STRN3: variants seen among roughly 807,000 people sequenced by gnomAD.
STRN3 encodes striatin 3, also known as striatin-3.
STRN3 carries 29 observed loss-of-function variants against 95.6 expected under a neutral mutation model. That is an observed-to-expected ratio of 0.30 (90% confidence interval 0.23 to 0.41). The LOEUF (loss-of-function observed/expected upper bound fraction) is 0.41. Ranked by LOEUF, STRN3 falls within the 10% of genes least tolerant of loss-of-function variation. The pLI is 1.00. For missense variants in STRN3, 890 were observed against 972.1 expected (o/e 0.92, Z 1.12); for synonymous variants, 331 against 357.6 (o/e 0.93, Z 0.84).
At chr14:30,937,365 A>G (rs1325633767) in intron 5 of STRN3, among the ~76,000 whole-genome samples, 1 of 152,154 alleles carries the variant, frequency 6.6e-6, no homozygotes, top group African/African-American at 2.4e-5. Context: ...CCAGATTTAT[A>G]GTAAATCAGA....
chr14:31,009,207 C>T (rs968612668), intron 1 of STRN3, among the ~76,000 whole-genome samples: 3 of 152,002 alleles, frequency 2.0e-5, no homozygotes, highest in Admixed American at 6.6e-5. Flanking sequence ...ATATTACTAC[C>T]GGTACTAGAC....
Position 30,905,594 on chromosome 14 carries a change from G to A in STRN3, c.1889-36C>T, listed in dbSNP as rs1392497998. ...CCCAAAGACAGACAATGTAAACAAA[G>A]TAAAATTACTATGAAATCTCTACTT... On this transcript the variant is annotated intron_variant, in intron 14 of 17. Coordinates refer to ENST00000357479, the MANE Select transcript of STRN3 (RefSeq NM_001083893.2). The A allele has an allele frequency of 3.2e-6, 5 of 1,550,924 alleles. No individual in the cohort carries two copies. In the Admixed American group the frequency reaches 9.1e-5, roughly 28 times the overall value.
At chr14:31,024,430 CAACTT>C (rs1335970303) in intron 1 of STRN3, among the ~76,000 whole-genome samples, 9 of 152,192 alleles carry the variant, frequency 5.9e-5, no homozygotes, top group Non-Finnish European at 1.3e-4. Flanking sequence ...AGACTGTACA[CAACTT>C]AAACCAGTTT....
At chr14:30,988,902 G>A (rs945877045) in intron 1 of STRN3, among the ~76,000 whole-genome samples, 1 of 152,080 alleles carries the variant, frequency 6.6e-6, no homozygotes, top group Non-Finnish European at 1.5e-5. Flanking sequence ...TTCCAATAAT[G>A]AATTATAATT....
rs562768297 is a variant in STRN3, at chr14:30,911,199, A to C, written c.1599-37T>G. The C allele has an allele frequency of 1.5e-5, 24 of 1,579,214 alleles. No homozygotes were observed. The African/African-American group carries it at 2.9e-4, about 19-fold the overall frequency. ...AGAGAGGAAAAACAAATTACTGATA[A>C]ATTCTAAGAAGAAACTCAAATCTCC... is the stretch of plus-strand genomic sequence containing the variant. On this transcript the variant is annotated intron_variant, in intron 12 of 17. Transcript: ENST00000357479.
At chr14:30,931,858 G>C (rs1029397604) in intron 7 of STRN3, 2 of 152,194 alleles carry the variant, frequency 1.3e-5, no homozygotes, top group Non-Finnish European at 2.9e-5. Context: ...AAAGTTAATT[G>C]TTGATTGCTA....
At chr14:30,897,428 T>C (rs1258236865) in intron 16 of STRN3, among the ~76,000 whole-genome samples, 1 of 151,990 alleles carries the variant, frequency 6.6e-6, no homozygotes, top group African/African-American at 2.4e-5. Context: ...CTACTAAAAA[T>C]ACAAAAATTA....
At position 31,026,063 on chromosome 14, in the gene STRN3, C is replaced by G; in HGVS notation, c.123G>C (p.Gly41=). 6.6e-7 allele frequency: 1 copy of G among 1,520,370 alleles called. No homozygotes were observed. The highest frequency in any genetic ancestry group is 8.8e-7 in the Non-Finnish European group (1 of 1,135,908). 94.2% of individuals were successfully genotyped at this position (1,520,370 alleles called of 1,614,324 possible). Residue 41 remains glycine, a synonymous_variant, in exon 1 of 18, where the codon GGG becomes GGC. Transcript: ENST00000357479. ...SPGGNGAAGG[G]GPPASEGAGP... is the part of the protein sequence containing the mutation. ...CCGCTCCCTCGGAGGCCGGAGGACC[C>G]CCGCCGCCCGCCGCTCCGTTCCCCC...
At chr14:30,967,842 G>A (rs1217579675) in intron 1 of STRN3, among the ~76,000 whole-genome samples, 2 of 152,182 alleles carry the variant, frequency 1.3e-5, no homozygotes, top group East Asian at 3.8e-4. Context: ...ACAGGAGATT[G>A]AAATCTTAAT....
intron 1 of STRN3, among the ~76,000 whole-genome samples, chr14:30,988,920 A>C (rs1242584545): frequency 6.6e-6 from 1 of 152,188 alleles, no homozygotes; most frequent in East Asian, 1.9e-4. Context: ...ATTATTTTAC[A>C]AATTAGGCAA....
Position 31,026,164 on chromosome 14 carries a change from C to G in STRN3, c.22G>C (p.Gly8Arg), listed in dbSNP as rs1883904501. 1 of 1,486,406 alleles carries G rather than the reference C, an allele frequency of 6.7e-7. No individual in the cohort carries two copies. The highest frequency in any genetic ancestry group is 2.3e-5 in the Admixed American group (1 of 44,040). The allele number at this position is 1,486,406 out of a possible 1,614,324, so 92.1% of individuals were successfully genotyped here. A position where few individuals can be genotyped will look rare whatever the true frequency, so the allele number is the denominator to read the frequency against. The stretch of plus-strand genomic sequence containing the variant: ...GCCGCCATCCCCGGGCCGCCACCAC[C>G]GCCTCCGGCAAGCTCGTCCATTGTG... MDELAGGGGGGPGMAAPP... is the reference protein window; with the variant it reads MDELAGGRGGGPGMAAPP... Residue 8 changes from glycine (G) to arginine (R), a missense_variant, in exon 1 of 18, where the codon GGT (glycine) becomes CGT (arginine). By Grantham distance (125) the Gly-to-Arg change is moderately radical. Coordinates refer to ENST00000357479, the MANE Select transcript of STRN3 (RefSeq NM_001083893.2).
At chr14:30,920,702 G>A (rs1034515583) in intron 8 of STRN3, among the ~76,000 whole-genome samples, 2 of 151,958 alleles carry the variant, frequency 1.3e-5, no homozygotes, top group African/African-American at 2.4e-5. Context: ...ACTCCTAATT[G>A]GTTTTTCTAT....
intron 1 of STRN3, among the ~76,000 whole-genome samples, chr14:31,022,498 T>C (rs1399885484): frequency 6.6e-6 from 1 of 151,868 alleles, no homozygotes; most frequent in Non-Finnish European, 1.5e-5. Flanking sequence ...ACTTACTACA[T>C]ACAAACTATA....
chr14:30,959,154 C>A (rs761240705), intron 1 of STRN3, among the ~76,000 whole-genome samples: 2 of 152,088 alleles, frequency 1.3e-5, no homozygotes, highest in African/African-American at 4.8e-5. Flanking sequence ...AGCAACACCT[C>A]GTCTTCACTA....
chr14:30,950,140 G>C (rs1294623264), intron 4 of STRN3, among the ~76,000 whole-genome samples: 2 of 152,080 alleles, frequency 1.3e-5, no homozygotes, highest in African/African-American at 4.8e-5. Flanking sequence ...AAGAGCTAAA[G>C]AGAAAAATTA....
chr14:30,954,904 A>G (rs1879826934), intron 3 of STRN3, among the ~76,000 whole-genome samples: 1 of 151,662 alleles, frequency 6.6e-6, no homozygotes. Context: ...TACTGGAAAT[A>G]AAATGAGTCA....
chr14:30,900,134 G>C (rs947250810), intron 16 of STRN3, among the ~76,000 whole-genome samples: 1 of 152,088 alleles, frequency 6.6e-6, no homozygotes, highest in Non-Finnish European at 1.5e-5. Context: ...AAGGTGGGCG[G>C]ATCACCTGAG....
chr14:30,934,877 T>G (rs1454456535), intron 7 of STRN3, among the ~76,000 whole-genome samples: 2 of 152,128 alleles, frequency 1.3e-5, no homozygotes, highest in African/African-American at 4.8e-5. Flanking sequence ...AAAAATTGAC[T>G]AAAGGGAAAG....
intron 1 of STRN3, among the ~76,000 whole-genome samples, chr14:30,963,275 T>C (rs760416665): frequency 5.3e-5 from 8 of 152,160 alleles, no homozygotes; most frequent in African/African-American, 1.2e-4. Flanking sequence ...ATAGAGGATC[T>C]GAACACAACA....
Sources: allele counts gnomAD v4.1 joint callset (sites outside exome capture counted in the v4.1 genomes callset), GRCh38; gene constraint gnomAD v4.1.1; transcripts MANE v1.5; gene names NCBI Gene and HGNC (gene_info 2026-07-23, HGNC 2026-07-21).